The following FHAD1 variants were observed in gnomAD, a reference collection of about 807,000 sequenced individuals.
FHAD1 encodes the protein forkhead-associated domain-containing protein 1.
Under a neutral mutation model 191.3 loss-of-function variants are expected in FHAD1, and 146 were observed. The observed-to-expected ratio is 0.76, with a 90% confidence interval of 0.67 to 0.88. The LOEUF (loss-of-function observed/expected upper bound fraction) is 0.88. Among genes scored for constraint, FHAD1 ranks in the 40% least tolerant of loss-of-function variants. FHAD1 has a pLI of 0.00. For synonymous variants in FHAD1, 616 were observed against 672.3 expected (o/e 0.92, Z 1.29); for missense variants, 1,635 against 1,785.8 (o/e 0.92, Z 1.52).
chr1:15,308,506 C>T, intron 6 of FHAD1, 107 bp from the exon 7 acceptor site: 1 of 1,465,382 alleles, frequency 6.8e-7, no homozygotes, highest in Non-Finnish European at 9.1e-7. Flanking sequence ...TCCCCAACAC[C>T]CCAGCCAAAA....
intron 5 of FHAD1, among the ~76,000 whole-genome samples, chr1:15,297,908 C>A (rs113887401): frequency 6.6e-6 from 1 of 151,334 alleles, no homozygotes; most frequent in East Asian, 1.9e-4. Context: ...TAAGTTATTG[C>A]GGTATAGGTG....
chr1:15,385,593 A>G (rs1485806072), intron 31 of FHAD1, among the ~76,000 whole-genome samples: 1 of 152,074 alleles, frequency 6.6e-6, no homozygotes, highest in Non-Finnish European at 1.5e-5. Flanking sequence ...GCAACATAGC[A>G]AGACACCACC....
chr1:15,303,538 C>T (rs890371721), intron 6 of FHAD1, among the ~76,000 whole-genome samples: 1 of 152,144 alleles, frequency 6.6e-6, no homozygotes, highest in African/African-American at 2.4e-5. Context: ...TATCTTTCAC[C>T]GTGAAATTAT....
chr1:15,307,111 C>T (rs930366506), intron 6 of FHAD1, among the ~76,000 whole-genome samples: 1 of 152,174 alleles, frequency 6.6e-6, no homozygotes, highest in African/African-American at 2.4e-5. Flanking sequence ...CTTGCATCAG[C>T]GTAATCTGGA....
At chr1:15,310,565 C>T (rs951578923) in intron 7 of FHAD1, among the ~76,000 whole-genome samples, 3 of 152,310 alleles carry the variant, frequency 2.0e-5, no homozygotes, top group Admixed American at 6.5e-5. Context: ...TACACTCTCA[C>T]GGCCCCAAGT....
chr1:15,332,046 A>AT (rs1681843713), intron 14 of FHAD1, among the ~76,000 whole-genome samples: 2 of 152,184 alleles, frequency 1.3e-5, no homozygotes, highest in African/African-American at 4.8e-5. Flanking sequence ...TAGAGAAGTG[A>AT]TTTTCAACCC....
intron 21 of FHAD1, among the ~76,000 whole-genome samples, chr1:15,359,388 G>A (rs1272134381): frequency 2.6e-5 from 4 of 152,036 alleles, no homozygotes; most frequent in African/African-American, 7.3e-5. Context: ...GGCCCAGCAC[G>A]TCACCTGGGA....
intron 26 of FHAD1, among the ~76,000 whole-genome samples, chr1:15,372,754 G>A (rs1306299296): frequency 1.3e-5 from 2 of 152,196 alleles, no homozygotes; most frequent in Non-Finnish European, 2.9e-5. Context: ...TTATAAAAGA[G>A]CCAGATTGTC....
At chr1:15,309,444 T>G (rs1263502578) in intron 7 of FHAD1, among the ~76,000 whole-genome samples, 1 of 151,806 alleles carries the variant, frequency 6.6e-6, no homozygotes, top group Non-Finnish European at 1.5e-5. Context: ...CAATAAGAAG[T>G]AAAAAGATAA....
intron 18 of FHAD1, 56 bp from the exon 19 acceptor site, chr1:15,348,986 A>G (rs1689885303): frequency 9.8e-7 from 1 of 1,017,550 alleles, no homozygotes; most frequent in African/African-American, 1.6e-5. Context: ...TATCATTACT[A>G]GCAATTTCCC....
rs913553074 is a variant in FHAD1, at chr1:15,289,685, A to G, written c.568+19A>G. On this transcript the variant is annotated intron_variant, in intron 4 of 33. Transcript: ENST00000688493. The surrounding 1 kb of genome is among the most constrained non-coding windows in gnomAD (Gnocchi z 4.2). The stretch of plus-strand genomic sequence containing the variant: ...AAGCAAGGTATGCGTCAGGGCTGCC[A>G]TTGGTGGCTTGGGGGTGGTTCACGG... 6.5e-7 allele frequency: 1 copy of G among 1,537,040 alleles called. No individual in the cohort carries two copies. Among genetic ancestry groups the G allele is most frequent in the African/African-American group, 1.4e-5 (1 of 72,956 alleles).
intron 14 of FHAD1, among the ~76,000 whole-genome samples, chr1:15,333,203 C>T (rs773952835): frequency 1.6e-4 from 24 of 152,156 alleles, no homozygotes; most frequent in Non-Finnish European, 3.1e-4. Context: ...AGCAATATTA[C>T]GTCAAGCGCC....
chr1:15,271,966 TAAAAAC>T (rs1277466294), intron 2 of FHAD1, among the ~76,000 whole-genome samples: 6 of 151,960 alleles, frequency 3.9e-5, no homozygotes, highest in South Asian at 2.1e-4. Flanking sequence ...AAAATAAAAA[TAAAAAC>T]AAAAACAAAA....
At chr1:15,378,299 A>G (rs922341252) in intron 28 of FHAD1, among the ~76,000 whole-genome samples, 1 of 152,114 alleles carries the variant, frequency 6.6e-6, no homozygotes, top group African/African-American at 2.4e-5. Flanking sequence ...AAAAGAAAAG[A>G]AGAGAAAGGA....
In FHAD1 at chr1:15,330,421, A is replaced by G. The variant is rs573323701; in HGVS notation, c.1906+880A>G. 4.4e-4 allele frequency among the ~76,000 whole-genome samples: 67 copies of G among 151,944 alleles called. 1 individual carries two copies. The highest frequency in any genetic ancestry group is 8.4e-4 in the Non-Finnish European group (57 of 68,024). ...GAACAGGTAGAATCAGGTCATGGGT[A>G]TATGGTTCACTGTAAAATTCTTCCA... is the stretch of plus-strand genomic sequence containing the variant. On this transcript the variant is annotated intron_variant, in intron 14 of 33. Transcript: ENST00000688493.
intron 3 of FHAD1, among the ~76,000 whole-genome samples, chr1:15,284,135 A>G (rs1661529485): frequency 6.6e-6 from 1 of 152,218 alleles, no homozygotes; most frequent in Admixed American, 6.5e-5. Context: ...CAAAGGGCAC[A>G]GCACAGCCTA....
intron 26 of FHAD1, among the ~76,000 whole-genome samples, chr1:15,373,761 C>A (rs35634099): frequency 0.1 from 15,742 of 152,132 alleles, 1,043 homozygotes; most frequent in South Asian, 0.22. Flanking sequence ...CTGGAAGGAT[C>A]GCTTGAGCGC....
At position 15,381,918 on chromosome 1, in the gene FHAD1, T is replaced by C; in HGVS notation, c.4023-110T>C. 6 of 1,216,176 alleles carry C rather than the reference T, an allele frequency of 4.9e-6. No individual in the cohort carries two copies. Among genetic ancestry groups the C allele is most frequent in the Non-Finnish European group, 6.9e-6 (6 of 869,672 alleles). 75.3% of individuals were successfully genotyped at this position (1,216,176 alleles called of 1,614,324 possible). A position where few individuals can be genotyped will look rare whatever the true frequency, so the allele number is the denominator to read the frequency against. ...GCTCTCCTGCTTGTGATGACACTCC[T>C]GAGTGAGCCCCCACTGTGGATGTAT... is the stretch of plus-strand genomic sequence containing the variant. On this transcript the variant is annotated intron_variant, in intron 30 of 33. Coordinates refer to ENST00000688493, the MANE Select transcript of FHAD1 (RefSeq NM_001391957.1). This position sits in a 1 kb window ranked among gnomAD's most constrained non-coding sequence, Gnocchi z 4.6.
intron 7 of FHAD1, among the ~76,000 whole-genome samples, chr1:15,310,421 G>T (rs570908405): frequency 2.0e-5 from 3 of 152,268 alleles, no homozygotes; most frequent in East Asian, 1.9e-4. Flanking sequence ...ATCCCAGGGG[G>T]ATCTCGCTGG....
Sources: allele counts gnomAD v4.1 joint callset (sites outside exome capture counted in the v4.1 genomes callset), GRCh38; gene constraint gnomAD v4.1.1; non-coding constraint Gnocchi (gnomAD v3.1); transcripts MANE v1.5; gene names NCBI Gene and HGNC (gene_info 2026-07-23, HGNC 2026-07-21).